The following KCNJ15 variants were observed in gnomAD, a reference collection of about 807,000 sequenced individuals.
KCNJ15 encodes ATP-sensitive inward rectifier potassium channel 15.
A neutral mutation model predicts 23.0 loss-of-function variants in KCNJ15; 14 were observed. The ratio of observed to expected loss-of-function variants is 0.61; its 90% confidence interval spans 0.40 to 0.95. KCNJ15 has a LOEUF of 0.95. Among genes scored for constraint, KCNJ15 ranks in the 40% least tolerant of loss-of-function variants. The pLI is 0.00. For missense variants in KCNJ15, 388 were observed against 461.8 expected (o/e 0.84, Z 1.46); for synonymous variants, 185 against 183.2 (o/e 1.01, Z -0.08).
At chr21:38,275,832 G>A (rs1421713985) in intron 1 of KCNJ15, among the ~76,000 whole-genome samples, 1 of 152,088 alleles carries the variant, frequency 6.6e-6, no homozygotes, top group East Asian at 1.9e-4. Context: ...CCCCTTGTCT[G>A]TAATCTTCTT....
intron 1 of KCNJ15, among the ~76,000 whole-genome samples, chr21:38,275,915 T>C (rs1305879430): frequency 6.6e-6 from 1 of 152,214 alleles, no homozygotes; most frequent in Non-Finnish European, 1.5e-5. Flanking sequence ...GAATCAGTCC[T>C]CCTCCTGGAA....
At chr21:38,263,528 G>T (rs1364484553) in intron 1 of KCNJ15, among the ~76,000 whole-genome samples, 2 of 152,176 alleles carry the variant, frequency 1.3e-5, no homozygotes, top group Admixed American at 1.3e-4. Context: ...CAGCAAAGAC[G>T]TTCTTTAACT....
rs1428659043 is a variant in KCNJ15, at chr21:38,301,796, A to C, written c.*1407A>C. On this transcript the variant is annotated 3_prime_UTR_variant, in exon 3 of 3. Transcript: ENST00000398938. Reference sequence around the variant, plus strand: ...CCTGCATTCCTTTGAGGCAAAAAATAAATGGGCTATGACTGGTTAAATGTC... The same window carrying C: ...CCTGCATTCCTTTGAGGCAAAAAATCAATGGGCTATGACTGGTTAAATGTC... 1 of 167,068 alleles carries C rather than the reference A, an allele frequency of 6.0e-6. No individual in the cohort carries two copies. Among genetic ancestry groups the C allele is most frequent in the Non-Finnish European group, 1.5e-5 (1 of 68,116 alleles). The allele number at this position is 167,068 out of a possible 1,614,324, so 10.3% of individuals were successfully genotyped here.
chr21:38,274,839 C>T (rs962519796), intron 1 of KCNJ15, among the ~76,000 whole-genome samples: 4 of 152,192 alleles, frequency 2.6e-5, no homozygotes, highest in African/African-American at 7.2e-5. Context: ...CTCTTTAATA[C>T]AGGCAGCCTC....
At chr21:38,232,232 A>G (rs2123533677) in intron 1 of KCNJ15, among the ~76,000 whole-genome samples, 1 of 151,624 alleles carries the variant, frequency 6.6e-6, no homozygotes, top group Admixed American at 6.6e-5. Flanking sequence ...TGTCCATGGC[A>G]TACAATCTTT....
upstream of KCNJ15, among the ~76,000 whole-genome samples, chr21:38,253,520 A>G (rs988228125): frequency 6.6e-6 from 1 of 152,216 alleles, no homozygotes; most frequent in Non-Finnish European, 1.5e-5. Context: ...AGATTCATGG[A>G]AGATTCTGAG....
intron 1 of KCNJ15, chr21:38,238,028 AT>A (rs1040690598): frequency 4.9e-4 from 115 of 236,430 alleles, no homozygotes; most frequent in African/African-American, 2.4e-3. Context: ...GGAGACTGTA[AT>A]TTTTTCCCCA....
intron 1 of KCNJ15, among the ~76,000 whole-genome samples, chr21:38,276,310 T>G (rs1982690267): frequency 6.6e-6 from 1 of 152,066 alleles, no homozygotes. Context: ...TAGGAGTCAC[T>G]GGGGAATAAT....
intron 1 of KCNJ15, among the ~76,000 whole-genome samples, chr21:38,294,541 T>C (rs925209579): frequency 7.9e-5 from 12 of 152,194 alleles, no homozygotes; most frequent in Non-Finnish European, 1.8e-4. Context: ...AAACGCAGAA[T>C]GAAGTTTTCT....
rs1482184986 is a variant in KCNJ15, at chr21:38,300,194, T to C, written c.933T>C (p.Phe311=). ...AGGAAATCTACTGGGGTTTTGAGTTTGTGCCTGTGGTATCTCTCTCCAAAA... is the reference window on the plus strand; with the variant it reads ...AGGAAATCTACTGGGGTTTTGAGTTCGTGCCTGTGGTATCTCTCTCCAAAA... The part of the protein sequence containing the change: ...IPEEIYWGFE[F]VPVVSLSKNG... Residue 311 remains phenylalanine, a synonymous_variant, in exon 3 of 3, where the codon TTT becomes TTC. Coordinates refer to ENST00000398938, the MANE Select transcript of KCNJ15 (RefSeq NM_170736.3). The C allele has an allele frequency of 6.2e-7, 1 of 1,614,180 alleles. No homozygotes were observed.
intron 1 of KCNJ15, among the ~76,000 whole-genome samples, chr21:38,259,913 G>A (rs1482773530): frequency 1.3e-5 from 2 of 152,178 alleles, no homozygotes; most frequent in African/African-American, 4.8e-5. Context: ...TGACCCGGTA[G>A]TAGCTCCAGA....
chr21:38,253,213 C>G (rs1979956165), upstream of KCNJ15, among the ~76,000 whole-genome samples: 1 of 152,200 alleles, frequency 6.6e-6, no homozygotes, highest in Non-Finnish European at 1.5e-5. Context: ...CCTGGGAGTA[C>G]TACTTTAATA....
rs117173579 is a variant in KCNJ15, at chr21:38,240,845, C to T, written c.-398-16201C>T. On this transcript the variant is annotated intron_variant, in intron 1 of 4. Coordinates refer to the KCNJ15 transcript ENST00000547341. ...AAAACCTTGGCATTTAGTCTGTCTT[C>T]CTGGAGCTCAGTTTCTTGAAATGCA... 6.2e-3 allele frequency among the ~76,000 whole-genome samples: 949 copies of T among 152,292 alleles called. 5 individuals carry two copies. Among genetic ancestry groups the T allele is most frequent in the Non-Finnish European group, 0.011 (733 of 68,026 alleles).
chr21:38,292,350 C>T (rs76382975), intron 1 of KCNJ15, among the ~76,000 whole-genome samples: 1 of 152,116 alleles, frequency 6.6e-6, no homozygotes, highest in Non-Finnish European at 1.5e-5. Context: ...TATCAATGAC[C>T]TAATGACAGT....
intron 1 of KCNJ15, among the ~76,000 whole-genome samples, chr21:38,234,847 C>T (rs2186344): frequency 0.46 from 70,185 of 152,000 alleles, 17,005 homozygotes; most frequent in East Asian, 0.86. Flanking sequence ...TTCAGCATCC[C>T]GAGTCAGACA....
At chr21:38,276,697 G>A (rs181786927) in intron 1 of KCNJ15, among the ~76,000 whole-genome samples, 2 of 151,554 alleles carry the variant, frequency 1.3e-5, no homozygotes, top group Admixed American at 1.3e-4. Context: ...CCCTTTTTTT[G>A]GTACCCCGAA....
At chr21:38,288,315 A>G (rs931007628) in intron 1 of KCNJ15, among the ~76,000 whole-genome samples, 1 of 152,022 alleles carries the variant, frequency 6.6e-6, no homozygotes, top group Admixed American at 6.6e-5. Flanking sequence ...TGCTGGGATT[A>G]CAGGCATGAG....
At chr21:38,260,389 A>C (rs963488445) in intron 1 of KCNJ15, among the ~76,000 whole-genome samples, 3 of 151,870 alleles carry the variant, frequency 2.0e-5, no homozygotes, top group Admixed American at 6.5e-5. Context: ...TGCTGTTTTC[A>C]CAAGGGAAAG....
Position 38,300,174 on chromosome 21 carries a change from A to C in KCNJ15, c.913A>C (p.Ile305Leu), listed in dbSNP as rs746781780. The change falls in exon 3 of 3, where the codon ATC (isoleucine) becomes CTC (leucine). Residue 305 changes from isoleucine (I) to leucine (L), a missense_variant. Coordinates refer to ENST00000398938, the MANE Select transcript of KCNJ15 (RefSeq NM_170736.3). ...CCGAACATCTTATATCCCAGAGGAA[A>C]TCTACTGGGGTTTTGAGTTTGTGCC... ...QSRTSYIPEE[I>L]YWGFEFVPVV... The C allele has an allele frequency of 1.2e-6, 2 of 1,613,914 alleles. No homozygotes were observed. The highest frequency in any genetic ancestry group is 1.7e-6 in the Non-Finnish European group (2 of 1,179,904).
Sources: gnomAD v4.1 joint callset for allele counts (sites outside exome capture counted in the v4.1 genomes callset) on GRCh38, gnomAD v4.1.1 for gene constraint, MANE v1.5 for transcripts, NCBI Gene and HGNC (gene_info 2026-07-23, HGNC 2026-07-21) for gene names.